The following AP3B1 variants were observed in gnomAD, a reference collection of about 807,000 sequenced individuals.
The protein encoded by AP3B1 is AP-3 complex subunit beta-1.
A neutral mutation model predicts 132.5 loss-of-function variants in AP3B1; 61 were observed. The ratio of observed to expected loss-of-function variants is 0.46; its 90% CI spans 0.37 to 0.57. The LOEUF (loss-of-function observed/expected upper bound fraction) is 0.57. AP3B1 is among the 20% of genes least tolerant of loss of function. The pLI is 0.00. For missense variants in AP3B1, 1,120 were observed against 1,289.4 expected (o/e 0.87, Z 2.01); for synonymous variants, 388 against 438.3 (o/e 0.89, Z 1.43).
chr5:78,268,785 T>C (rs1031954529), intron 1 of AP3B1, among the ~76,000 whole-genome samples: 4 of 152,148 alleles, frequency 2.6e-5, no homozygotes, highest in African/African-American at 7.2e-5. Context: ...GAAAAGCTAG[T>C]CTTCAACAAC....
intron 17 of AP3B1, among the ~76,000 whole-genome samples, chr5:78,116,797 G>C (rs958307715): frequency 1.3e-5 from 2 of 151,806 alleles, no homozygotes; most frequent in African/African-American, 2.4e-5. Flanking sequence ...TGGACTACTC[G>C]TTACCTTGCT....
chr5:78,043,851 G>T, intron 22 of AP3B1: 1 of 363,680 alleles, frequency 2.7e-6, no homozygotes, highest in South Asian at 2.6e-5. Context: ...GACTTTGGTA[G>T]ACACAGGCAT....
chr5:78,272,060 A>G (rs1009085813), intron 1 of AP3B1, among the ~76,000 whole-genome samples: 2 of 152,216 alleles, frequency 1.3e-5, no homozygotes, highest in Non-Finnish European at 2.9e-5. Flanking sequence ...GCAGCCACCT[A>G]AGAGACTTCA....
intron 1 of AP3B1, among the ~76,000 whole-genome samples, chr5:78,279,053 T>C (rs866898879): frequency 1.5e-4 from 23 of 152,120 alleles, no homozygotes; most frequent in Middle Eastern, 3.2e-3. Context: ...TGGAAAGACA[T>C]ATCAACATAT....
Position 78,108,920 on chromosome 5 carries a change from T to C in AP3B1, c.2397+1287A>G, listed in dbSNP as rs1024803194. On this transcript the variant is annotated intron_variant, in intron 20 of 26. Transcript: ENST00000255194. ...TACAAAATTTCCTAAGAATAACTTC[T>C]ACCACTTGACACTCACTGATTTCTT... is the stretch of plus-strand genomic sequence containing the variant. 4.6e-5 allele frequency among the ~76,000 whole-genome samples: 7 copies of C among 152,300 alleles called. No individual in the cohort carries two copies. The East Asian group carries it at 1.4e-3, about 29-fold the overall frequency.
Position 78,213,131 on chromosome 5 carries a change from A to G in AP3B1, c.786+2924T>C, listed in dbSNP as rs576590440. ...CCTGACCTCGTGATAAGCCCGCCTC[A>G]GCCTCCCAAAGTGCTGGGATTACAG... On this transcript the variant is annotated intron_variant, in intron 7 of 26. Coordinates refer to ENST00000255194, the MANE Select transcript of AP3B1 (RefSeq NM_003664.5). 9.2e-5 allele frequency among the ~76,000 whole-genome samples: 14 copies of G among 152,236 alleles called. No homozygotes were observed. In the South Asian group the frequency reaches 1.0e-3, roughly 11 times the overall value.
At chr5:78,221,104 T>C (rs1746160855) in intron 6 of AP3B1, among the ~76,000 whole-genome samples, 1 of 151,934 alleles carries the variant, frequency 6.6e-6, no homozygotes, top group African/African-American at 2.4e-5. Context: ...AAAACATATC[T>C]CGAAATAGTT....
chr5:78,091,472 C>G (rs1204705395), intron 21 of AP3B1, among the ~76,000 whole-genome samples: 1 of 152,122 alleles, frequency 6.6e-6, no homozygotes, highest in Admixed American at 6.5e-5. Context: ...TTCAAACCCC[C>G]AGGCTTCCTT....
chr5:78,285,248 C>CA (rs369311356), intron 1 of AP3B1, among the ~76,000 whole-genome samples: 31,270 of 133,140 alleles, frequency 0.23, 3,991 homozygotes, highest in Middle Eastern at 0.31. Flanking sequence ...GACTCTGTCT[C>CA]AAAAAAAAAA....
chr5:78,004,251 C>T (rs1158027854), intron 26 of AP3B1, among the ~76,000 whole-genome samples: 7 of 152,176 alleles, frequency 4.6e-5, no homozygotes, highest in African/African-American at 9.7e-5. Context: ...GCTAACAGCA[C>T]GCTGCGGACT....
rs183622731 is a variant in AP3B1 at position 78,120,064 on chromosome 5, C to T, written c.1969-3830G>A. Among the ~76,000 whole-genome samples, 386 of 152,246 alleles carry T rather than the reference C, an allele frequency of 2.5e-3. 4 individuals carry two copies. Among genetic ancestry groups the T allele is most frequent in the African/African-American group, 9.0e-3 (374 of 41,538 alleles). ...CATGCTTAAAGAAAAGAATTTTCAA[C>T]CCAGAATTTCATATCCAGCCAAACT... On this transcript the variant is annotated intron_variant, in intron 17 of 26. Transcript: ENST00000255194.
chr5:78,202,514 T>G (rs969256489), intron 7 of AP3B1, among the ~76,000 whole-genome samples: 5 of 150,850 alleles, frequency 3.3e-5, no homozygotes, highest in African/African-American at 4.9e-5. Flanking sequence ...GTTTCTGCTT[T>G]TGTGTGTGTA....
intron 22 of AP3B1, among the ~76,000 whole-genome samples, chr5:78,074,817 A>G (rs754443930): frequency 1.3e-5 from 2 of 152,026 alleles, no homozygotes; most frequent in East Asian, 1.9e-4. Context: ...GCGTGGTGGC[A>G]CATGCCTCAG....
At chr5:78,060,587 C>A (rs1749004177) in intron 22 of AP3B1, among the ~76,000 whole-genome samples, 2 of 152,192 alleles carry the variant, frequency 1.3e-5, no homozygotes, top group Admixed American at 6.5e-5. Context: ...TGTAAACGTC[C>A]ACTGCAGCCC....
chr5:78,053,825 C>T (rs897088988), intron 22 of AP3B1, among the ~76,000 whole-genome samples: 1 of 152,110 alleles, frequency 6.6e-6, no homozygotes, highest in Admixed American at 6.6e-5. Flanking sequence ...TCATTAGGTT[C>T]GTTTTACTCT....
chr5:78,074,760 C>G (rs1749687518), intron 22 of AP3B1, among the ~76,000 whole-genome samples: 1 of 152,158 alleles, frequency 6.6e-6, no homozygotes, highest in Admixed American at 6.5e-5. Flanking sequence ...ACCAGCCTGA[C>G]CAACATGGAG....
intron 22 of AP3B1, among the ~76,000 whole-genome samples, chr5:78,079,628 A>G (rs960696181): frequency 3.9e-5 from 6 of 152,212 alleles, no homozygotes; most frequent in African/African-American, 1.4e-4. Flanking sequence ...TAAGTGTACT[A>G]TTGATAGTTT....
intron 12 of AP3B1, among the ~76,000 whole-genome samples, chr5:78,163,779 C>G (rs956707094): frequency 2.0e-5 from 3 of 151,516 alleles, no homozygotes; most frequent in African/African-American, 7.3e-5. Flanking sequence ...TTTCACTTTG[C>G]TTAGAACCTT....
chr5:78,181,913 T>C (rs183593174), intron 7 of AP3B1, among the ~76,000 whole-genome samples: 1 of 152,298 alleles, frequency 6.6e-6, no homozygotes, highest in Admixed American at 6.5e-5. Context: ...TTTTTGACTA[T>C]TAAATCCCCA....
Sources: allele counts gnomAD v4.1 joint callset (sites outside exome capture counted in the v4.1 genomes callset), GRCh38; gene constraint gnomAD v4.1.1; transcripts MANE v1.5; gene names NCBI Gene and HGNC (gene_info 2026-07-23, HGNC 2026-07-21).